CCDC171: variants seen among roughly 807,000 people sequenced by gnomAD.
CCDC171 encodes coiled-coil domain containing 171, also known as coiled-coil domain-containing protein 171.
Under a neutral mutation model 168.2 loss-of-function variants are expected in CCDC171, and 177 were observed. The observed-to-expected ratio is 1.05, with a 90% CI of 0.93 to 1.19. The LOEUF is 1.19. CCDC171 is among the 50% of genes most tolerant of loss of function. CCDC171 has a pLI of 0.00. For synonymous variants in CCDC171, 687 were observed against 540.8 expected (o/e 1.27, Z -3.75); for missense variants, 1,991 against 1,539.0 (o/e 1.29, Z -4.91).
chr9:15,615,570 T>C (rs1054327622), intron 6 of CCDC171, among the ~76,000 whole-genome samples: 3 of 152,198 alleles, frequency 2.0e-5, no homozygotes, highest in African/African-American at 7.2e-5. Context: ...TCAACTATCA[T>C]AGCAGTAATA....
At chr9:15,623,721 C>T (rs2044777820) in intron 7 of CCDC171, among the ~76,000 whole-genome samples, 2 of 151,998 alleles carry the variant, frequency 1.3e-5, no homozygotes, top group Non-Finnish European at 2.9e-5. Flanking sequence ...TAATTGTTTA[C>T]ATTATTAGGT....
chr9:15,636,185 G>A (rs186780224), intron 7 of CCDC171, among the ~76,000 whole-genome samples: 5 of 151,954 alleles, frequency 3.3e-5, no homozygotes, highest in Non-Finnish European at 5.9e-5. Flanking sequence ...AGATGCTAAC[G>A]ATGGAGGAAA....
intron 14 of CCDC171, among the ~76,000 whole-genome samples, chr9:15,726,542 G>T (rs556583133): frequency 6.6e-6 from 1 of 152,018 alleles, no homozygotes; most frequent in East Asian, 1.9e-4. Context: ...TTATGAAAAG[G>T]TATAGCATAT....
At chr9:16,096,729 CT>C in the CCDC171 span, among the ~76,000 whole-genome samples, 5 of 152,208 alleles carry the variant, frequency 3.3e-5, no homozygotes, top group African/African-American at 1.2e-4. Flanking sequence ...AAACCACTCC[CT>C]TTCCTCATCC....
chr9:15,644,427 G>C lies in CCDC171; in HGVS notation c.823-12700G>C, dbSNP rs1336043067. Among the ~76,000 whole-genome samples the C allele has an allele frequency of 2.0e-5, 3 of 152,276 alleles. No individual in the cohort carries two copies. The East Asian group carries it at 5.8e-4, about 29-fold the overall frequency. On this transcript the variant is annotated intron_variant, in intron 7 of 25. Transcript: ENST00000380701. ...AGTGGGTGCAGCCCAGTGAGCGTGA[G>C]CCTAAGCAGGGTGAGGCATCGTCTC...
chr9:15,831,494 C>T lies in CCDC171; in HGVS notation c.3268-15208C>T, dbSNP rs112926874. On this transcript the variant is annotated intron_variant, in intron 21 of 25. Transcript: ENST00000380701. Reference sequence around the variant, plus strand: ...AACTGGAAGCTTACTGGTATTTTTTCTGCATTGTAATTATACTAATAAACA... The same window carrying T: ...AACTGGAAGCTTACTGGTATTTTTTTTGCATTGTAATTATACTAATAAACA... Among the ~76,000 whole-genome samples the T allele has an allele frequency of 1.6e-4, 25 of 152,232 alleles. 2 individuals are homozygous for T. Among genetic ancestry groups the T allele is most frequent in the African/African-American group, 6.0e-4 (25 of 41,542 alleles).
At chr9:15,975,183 C>G (rs1831582599), downstream of CCDC171, among the ~76,000 whole-genome samples, 2 of 152,104 alleles carry the variant, frequency 1.3e-5, no homozygotes, top group South Asian at 2.1e-4. Context: ...CACAACAAAC[C>G]TCTAGCATAG....
intron 23 of CCDC171, among the ~76,000 whole-genome samples, chr9:15,864,368 GT>G (rs2131035526): frequency 6.6e-6 from 1 of 152,072 alleles, no homozygotes; most frequent in Admixed American, 6.6e-5. Context: ...GTGCAGGTTT[GT>G]TACATATGTA....
Position 15,623,323 on chromosome 9 carries a change from A to T in CCDC171, c.732A>T (p.Glu244Asp). 1 of 1,606,472 alleles carries T rather than the reference A, an allele frequency of 6.2e-7. No individual in the cohort carries two copies. The change falls in exon 7 of 26, where the codon GAA becomes GAT. Residue 244 changes from glutamate to aspartate, a missense_variant. Physicochemically the swap from Glu to Asp is conservative, Grantham distance 45. Transcript: ENST00000380701. ...AGAAAGTAGAAAAATTAGAAACAGA[A>T]CATATGGACTGCTCTGACCTTTTAC... is the stretch of plus-strand genomic sequence containing the variant. Reference protein sequence around the residue: ...MHKKVEKLETEHMDCSDLLRR... With the variant: ...MHKKVEKLETDHMDCSDLLRR...
At chr9:15,808,894 C>G (rs7468716) in intron 21 of CCDC171, among the ~76,000 whole-genome samples, 140,408 of 152,268 alleles carry the variant, frequency 0.92, 64,920 homozygotes, top group East Asian at 0.98. Context: ...AGAAGTCTAA[C>G]ATCAAGGCAC....
At chr9:15,735,607 G>T (rs1262444315) in intron 16 of CCDC171, among the ~76,000 whole-genome samples, 1 of 152,122 alleles carries the variant, frequency 6.6e-6, no homozygotes, top group East Asian at 1.9e-4. Flanking sequence ...TTTTACTGTG[G>T]TATTGAGAGT....
chr9:16,067,939 G>A, the CCDC171 span, among the ~76,000 whole-genome samples: 366 of 152,100 alleles, frequency 2.4e-3, 4 homozygotes, highest in Middle Eastern at 6.8e-3. Context: ...TTGACATAGT[G>A]TTGGAAGTTC....
intron 11 of CCDC171, among the ~76,000 whole-genome samples, chr9:15,696,294 C>A (rs1455097144): frequency 2.0e-5 from 3 of 152,176 alleles, no homozygotes; most frequent in African/African-American, 7.2e-5. Context: ...CCTTGTGGAT[C>A]TGTAGATTTC....
intron 11 of CCDC171, among the ~76,000 whole-genome samples, chr9:15,712,818 A>G (rs1258686614): frequency 6.6e-6 from 1 of 152,196 alleles, no homozygotes; most frequent in African/African-American, 2.4e-5. Flanking sequence ...GGTGAATGGA[A>G]GTTCATATTG....
At chr9:16,054,348 T>C (rs956081569) in intron 1 of CCDC171, among the ~76,000 whole-genome samples, 1 of 152,206 alleles carries the variant, frequency 6.6e-6, no homozygotes, top group African/African-American at 2.4e-5. Flanking sequence ...AGTCCAGAGA[T>C]GGCACAAAGG....
At chr9:15,855,878 C>T (rs909490518) in intron 23 of CCDC171, among the ~76,000 whole-genome samples, 8 of 151,830 alleles carry the variant, frequency 5.3e-5, no homozygotes, top group African/African-American at 1.9e-4. Flanking sequence ...ATATTGTGTG[C>T]CCGTCAACAT....
At chr9:15,931,688 T>C (rs1273560234) in intron 25 of CCDC171, among the ~76,000 whole-genome samples, 1 of 151,524 alleles carries the variant, frequency 6.6e-6, no homozygotes, top group Non-Finnish European at 1.5e-5. Context: ...CTCAAAAAAT[T>C]CTTCCCCAAC....
intron 24 of CCDC171, among the ~76,000 whole-genome samples, chr9:15,909,729 C>G (rs555591925): frequency 6.6e-6 from 1 of 152,102 alleles, no homozygotes; most frequent in Admixed American, 6.6e-5. Flanking sequence ...AATAAATGAG[C>G]AACCATATCA....
At chr9:16,033,923 G>C (rs1833413776) in intron 6 of CCDC171, among the ~76,000 whole-genome samples, 1 of 152,186 alleles carries the variant, frequency 6.6e-6, no homozygotes, top group Non-Finnish European at 1.5e-5. Context: ...CCCACACAGG[G>C]AGCTCAAGGG....
Sources: gnomAD v4.1 joint callset for allele counts (sites outside exome capture counted in the v4.1 genomes callset) on GRCh38, gnomAD v4.1.1 for gene constraint, MANE v1.5 for transcripts, NCBI Gene and HGNC (gene_info 2026-07-23, HGNC 2026-07-21) for gene names.